Variants in ADAM8 observed in about 807,000 individuals in gnomAD.
ADAM8 encodes ADAM metallopeptidase domain 8.
In ADAM8, 104 loss-of-function variants were observed where a neutral mutation model predicts 102.4. The observed-to-expected ratio is 1.02, with a 90% CI of 0.87 to 1.20. The LOEUF is 1.20. Ranked by LOEUF, ADAM8 falls within the 50% of genes most tolerant of loss-of-function variation. The pLI, the probability that ADAM8 is intolerant of heterozygous loss-of-function variation, is 0.00. For synonymous variants in ADAM8, 517 were observed against 485.2 expected, an observed-to-expected ratio of 1.07 and a Z score of -0.86; for missense variants, 1,132 against 1,159.0, an observed-to-expected ratio of 0.98 and a Z score of 0.34.
chr10:133,262,766 G>A lies in ADAM8; in HGVS notation c.*390C>T, dbSNP rs1846200631. ...CCCCACGTCTGTGCTGCCTGGAACCGGGTGCCCAGGGCAGCCGGCTCAGCA... is the reference window on the plus strand; with the variant it reads ...CCCCACGTCTGTGCTGCCTGGAACCAGGTGCCCAGGGCAGCCGGCTCAGCA... On this transcript the variant is annotated 3_prime_UTR_variant, in exon 23 of 23. Transcript: ENST00000445355. 9.5e-6 allele frequency: 2 copies of A among 209,916 alleles called. No homozygotes were observed. Among genetic ancestry groups the A allele is most frequent in the South Asian group, 7.1e-5 (1 of 14,126 alleles). 13.0% of individuals were successfully genotyped at this position (209,916 alleles called of 1,614,324 possible). A position where few individuals can be genotyped will look rare whatever the true frequency, so the allele number is the denominator to read the frequency against.
chr10:133,275,413 G>T, intron 2 of ADAM8, 71 bp downstream of exon 2: 1 of 1,221,404 alleles, frequency 8.2e-7, no homozygotes, highest in African/African-American at 1.5e-5. Flanking sequence ...CTTTCTGTAA[G>T]CTAAAGCTCC....
In ADAM8 at chr10:133,273,403, G is replaced by T. The variant is rs1311834204; in HGVS notation, c.424C>A (p.Pro142Thr). The T allele has an allele frequency of 6.5e-7, 1 of 1,548,872 alleles. No homozygotes were observed. Among genetic ancestry groups the T allele is most frequent in the Non-Finnish European group, 8.7e-7 (1 of 1,146,316 alleles). The change falls in exon 6 of 23, where the codon CCC becomes ACC. Residue 142 changes from proline to threonine, a missense_variant. By Grantham distance (38) the Pro-to-Thr change is conservative (BLOSUM62 -1). Coordinates refer to ENST00000445355, the MANE Select transcript of ADAM8 (RefSeq NM_001109.5). Reference protein sequence around the residue: ...QVGSDLHLIEPLDEGGEGGRH... With the variant: ...QVGSDLHLIETLDEGGEGGRH... ...CCGCCCTCGCCACCTTCATCCAGGG[G>T]CTCGATCAGGTGCAGGTCTGACCCC... is the stretch of plus-strand genomic sequence containing the variant.
chr10:133,275,549 A>G lies in ADAM8; in HGVS notation c.85T>C (p.Tyr29His). 1 of 1,512,698 alleles carries G rather than the reference A, an allele frequency of 6.6e-7. No individual in the cohort carries two copies. Among genetic ancestry groups the G allele is most frequent in the Non-Finnish European group, 8.8e-7 (1 of 1,132,836 alleles). 93.7% of individuals were successfully genotyped at this position (1,512,698 alleles called of 1,614,324 possible). A position where few individuals can be genotyped will look rare whatever the true frequency, so the allele number is the denominator to read the frequency against. The change falls in exon 2 of 23, where the codon TAT becomes CAT. Residue 29 changes from tyrosine (Y) to histidine (H), a missense_variant. Transcript: ENST00000445355. Reference sequence around the variant, plus strand: ...AGACGCCACGGCAACACGACCTCATACTGCTCCATGAGGGCCCAGGGCCGG... The same window carrying G: ...AGACGCCACGGCAACACGACCTCATGCTGCTCCATGAGGGCCCAGGGCCGG... Reference protein sequence around the residue: ...PSRPWALMEQYEVVLPWRLPG... With the variant: ...PSRPWALMEQHEVVLPWRLPG...
Position 133,262,918 on chromosome 10 carries a change from C to G in ADAM8, c.*238G>C. On this transcript the variant is annotated 3_prime_UTR_variant, in exon 23 of 23. Transcript: ENST00000445355. ...GCACCCGCAAGCACACAGCTCATCC[C>G]AGCCTGGTGCCTGCAGACAGCTGGG... 1 of 652,298 alleles carries G rather than the reference C, an allele frequency of 1.5e-6. No individual in the cohort carries two copies. Among genetic ancestry groups the G allele is most frequent in the South Asian group, 1.7e-5 (1 of 57,246 alleles). The allele number at this position is 652,298 out of a possible 1,614,324, so 40.4% of individuals were successfully genotyped here.
At chr10:133,276,718 G>A in intron 1 of ADAM8, 54 bp downstream of exon 1, 1 of 1,518,368 alleles carries the variant, frequency 6.6e-7, no homozygotes. Flanking sequence ...CGTCCTGCGG[G>A]GAGAGCCACC....
chr10:133,274,945 C>T (rs1324648961), intron 2 of ADAM8: 5 of 412,964 alleles, frequency 1.2e-5, no homozygotes, highest in Non-Finnish European at 2.5e-5. Context: ...TAGTAGGTTC[C>T]CCGGATGCTG....
intron 16 of ADAM8, 142 bp from the exon 17 acceptor site, chr10:133,270,116 AC>A: frequency 8.6e-7 from 1 of 1,162,018 alleles, no homozygotes; most frequent in Non-Finnish European, 1.2e-6. Flanking sequence ...CCGGCTGCCT[AC>A]CCCCAAAGCC....
At chr10:133,270,322 G>C in intron 16 of ADAM8, 38 bp downstream of exon 16, 1 of 1,557,968 alleles carries the variant, frequency 6.4e-7, no homozygotes, top group South Asian at 1.2e-5. Context: ...TGCCCGGGAT[G>C]CCTGGGGGGT....
At chr10:133,274,322 G>A in intron 2 of ADAM8, 87 bp from the exon 3 acceptor site, 2 of 1,299,604 alleles carry the variant, frequency 1.5e-6, no homozygotes, top group South Asian at 3.1e-5. Context: ...CTCAGCTGGG[G>A]GGGAAGGGGT....
Position 133,263,116 on chromosome 10 carries a change from C to T in ADAM8, c.*40G>A, listed in dbSNP as rs763963955. The stretch of plus-strand genomic sequence containing the variant: ...ATGCTGGAACGCATGGCTTCTCTGC[C>T]GCAACTTCTCCAAATTTCCACACAG... On this transcript the variant is annotated 3_prime_UTR_variant, in exon 23 of 23. Coordinates refer to ENST00000445355, the MANE Select transcript of ADAM8 (RefSeq NM_001109.5). 2.7e-5 allele frequency: 43 copies of T among 1,610,178 alleles called. No homozygotes were observed. Among genetic ancestry groups the T allele is most frequent in the South Asian group, 2.4e-4 (22 of 90,996 alleles).
At chr10:133,265,423 G>T (rs1027151271) in intron 21 of ADAM8, among the ~76,000 whole-genome samples, 7 of 152,180 alleles carry the variant, frequency 4.6e-5, no homozygotes, top group Non-Finnish European at 1.0e-4. Context: ...CCCCTTCTAG[G>T]ACTATTTCTG....
At chr10:133,276,629 T>G in intron 1 of ADAM8, 143 bp downstream of exon 1, 1 of 1,265,118 alleles carries the variant, frequency 7.9e-7, no homozygotes, top group East Asian at 3.1e-5. Context: ...GTGCACCTGA[T>G]GGCCCGCTCC....
In ADAM8 at chr10:133,273,846, G is replaced by T; in HGVS notation, c.307-8C>A. ...CTGGTAGAAGCAGTGGTCCTGCGGG[G>T]GAAGCAGGAGAGGGGTCCACAGGCT... On this transcript the variant is annotated splice_region_variant and splice_polypyrimidine_tract_variant and intron_variant, in intron 4 of 22. Coordinates refer to ENST00000445355, the MANE Select transcript of ADAM8 (RefSeq NM_001109.5). 1.9e-6 allele frequency: 3 copies of T among 1,548,998 alleles called. No individual in the cohort carries two copies. The highest frequency in any genetic ancestry group is 2.4e-5 in the South Asian group (2 of 84,100).
In ADAM8 at chr10:133,270,986, G is replaced by A. The variant is rs1263940830; in HGVS notation, c.1459C>T (p.Pro487Ser). 1 of 1,612,834 alleles carries A rather than the reference G, an allele frequency of 6.2e-7. No homozygotes were observed. Among genetic ancestry groups the A allele is most frequent in the South Asian group, 1.1e-5 (1 of 91,086 alleles). The stretch of plus-strand genomic sequence containing the variant: ...CCGTTCTCCTGGAAGGCGTCTTCCG[G>A]GCACTCAGGGTGCCGGCCGTCACAG... The part of the protein sequence containing the change: ...EFCDGRHPEC[P>S]EDAFQENGTP... The change falls in exon 14 of 23, where the codon CCG (proline) becomes TCG (serine). Residue 487 changes from proline (P) to serine (S), a missense_variant. Transcript: ENST00000445355.
intron 21 of ADAM8, among the ~76,000 whole-genome samples, chr10:133,266,948 T>C (rs532036371): frequency 1.3e-5 from 2 of 150,622 alleles, no homozygotes; most frequent in East Asian, 3.9e-4. Context: ...GAGAGATCTT[T>C]CCAAAACCCC....
chr10:133,272,461 C>A lies in ADAM8; in HGVS notation c.830G>T (p.Arg277Leu), dbSNP rs368493010. The change falls in exon 9 of 23, where the codon CGG becomes CTG. Residue 277 changes from arginine (R) to leucine (L), a missense_variant. Arg to Leu is a moderately radical substitution (Grantham distance 102). Transcript: ENST00000445355. ...ATGCAGGTGCCGCCGTGTCCGTTGC[C>A]GTGCCTGCCAGGTCAGGAGGTTCTC... is the stretch of plus-strand genomic sequence containing the variant. ...TLENLLTWQA[R>L]QRTRRHLHDN... is the part of the protein sequence containing the mutation. 5 of 1,611,452 alleles carry A rather than the reference C, an allele frequency of 3.1e-6. No homozygotes were observed. In the African/African-American group the frequency reaches 5.3e-5, roughly 17 times the overall value.
Position 133,276,754 on chromosome 10 carries a change from T to A in ADAM8, c.46+18A>T, listed in dbSNP as rs1391160551. 2 of 1,532,906 alleles carry A rather than the reference T, an allele frequency of 1.3e-6. No homozygotes were observed. The highest frequency in any genetic ancestry group is 5.1e-5 in the East Asian group (2 of 39,344). The allele number at this position is 1,532,906 out of a possible 1,614,324, so 95.0% of individuals were successfully genotyped here. On this transcript the variant is annotated intron_variant, in intron 1 of 22. Transcript: ENST00000445355. ...CTGCCCCGCGCTGCGCCCGGGACGGTTCCCTGGAACCACTCACCAGGCAGC... is the reference window on the plus strand; with the variant it reads ...CTGCCCCGCGCTGCGCCCGGGACGGATCCCTGGAACCACTCACCAGGCAGC...
intron 18 of ADAM8, 54 bp from the exon 19 acceptor site, chr10:133,268,916 G>A: frequency 1.3e-6 from 2 of 1,574,924 alleles, no homozygotes; most frequent in South Asian, 1.1e-5. Context: ...TCAGGCAGGA[G>A]CCAGGGAGGT....
intron 17 of ADAM8, 101 bp downstream of exon 17, chr10:133,269,796 C>G (rs1206783627): frequency 2.8e-5 from 39 of 1,376,962 alleles, no homozygotes; most frequent in Non-Finnish European, 3.0e-5. Flanking sequence ...ACGCCAGGCT[C>G]CCCCAGCCTC....
Sources: gnomAD v4.1 joint callset for allele counts (sites outside exome capture counted in the v4.1 genomes callset) on GRCh38, gnomAD v4.1.1 for gene constraint, MANE v1.5 for transcripts, NCBI Gene and HGNC (gene_info 2026-07-23, HGNC 2026-07-21) for gene names.